The following ITGA9 variants were observed in gnomAD, a reference collection of about 807,000 sequenced individuals.
ITGA9 encodes the protein integrin alpha-9.
In ITGA9, 56 loss-of-function variants were observed where a neutral mutation model predicts 127.8. The observed-to-expected ratio is 0.44, with a 90% confidence interval of 0.35 to 0.55. ITGA9 has a LOEUF of 0.55. Ranked by LOEUF, ITGA9 falls within the 20% of genes least tolerant of loss-of-function variation. The pLI, the probability that ITGA9 is intolerant of heterozygous loss-of-function variation, is 0.00. For synonymous variants in ITGA9, 508 were observed against 514.5 expected (o/e 0.99, Z 0.17); for missense variants, 1,196 against 1,347.1 (o/e 0.89, Z 1.76).
intron 23 of ITGA9, among the ~76,000 whole-genome samples, chr3:37,759,389 T>G (rs917282706): frequency 1.3e-5 from 2 of 152,112 alleles, no homozygotes; most frequent in African/African-American, 4.8e-5. Context: ...TAATAAAAAC[T>G]GAGGAACCCA....
intron 17 of ITGA9, among the ~76,000 whole-genome samples, chr3:37,655,414 T>C (rs954051429): frequency 6.6e-6 from 1 of 152,216 alleles, no homozygotes; most frequent in Non-Finnish European, 1.5e-5. Flanking sequence ...GGTATCTCAT[T>C]GTGGTTTTGA....
chr3:37,539,824 G>A (rs1345069937), intron 14 of ITGA9, among the ~76,000 whole-genome samples: 1 of 152,202 alleles, frequency 6.6e-6, no homozygotes, highest in Non-Finnish European at 1.5e-5. Context: ...CTGGAGCTCA[G>A]TCCTGCTGGG....
intron 26 of ITGA9, among the ~76,000 whole-genome samples, chr3:37,793,866 G>A (rs1011527463): frequency 6.6e-6 from 1 of 152,150 alleles, no homozygotes; most frequent in Admixed American, 6.5e-5. Context: ...TCCAGAGGTA[G>A]TAACCCCAAG....
intron 15 of ITGA9, among the ~76,000 whole-genome samples, chr3:37,577,879 G>A (rs989978103): frequency 1.3e-5 from 2 of 152,184 alleles, no homozygotes; most frequent in Admixed American, 6.5e-5. Flanking sequence ...TATGATTCGT[G>A]TGCTGGTCTT....
At position 37,777,459 on chromosome 3, in the gene ITGA9, A is replaced by T; in HGVS notation, c.2609A>T (p.Gln870Leu). The change falls in exon 24 of 28, where the codon CAA becomes CTA. Residue 870 changes from glutamine (Q) to leucine (L), a missense_variant. By Grantham distance (113) the Gln-to-Leu change is moderately radical. Transcript: ENST00000264741. Reference protein sequence around the residue: ...NPTPCIIPQEQENIFHTIFAF... With the variant: ...NPTPCIIPQELENIFHTIFAF... The stretch of plus-strand genomic sequence containing the variant: ...ACTCCCTGCATCATCCCTCAAGAAC[A>T]AGAAAATATCTTCCACACAATATTT... 6.2e-7 allele frequency: 1 copy of T among 1,614,160 alleles called. No homozygotes were observed. Among genetic ancestry groups the T allele is most frequent in the South Asian group, 1.1e-5 (1 of 91,086 alleles).
intron 16 of ITGA9, among the ~76,000 whole-genome samples, chr3:37,639,954 G>A (rs1021515190): frequency 6.6e-6 from 1 of 152,114 alleles, no homozygotes; most frequent in African/African-American, 2.4e-5. Flanking sequence ...CATACCAATG[G>A]TGATGACAGA....
chr3:37,607,789 A>G (rs1699981845), intron 15 of ITGA9, among the ~76,000 whole-genome samples: 1 of 152,226 alleles, frequency 6.6e-6, no homozygotes, highest in Non-Finnish European at 1.5e-5. Flanking sequence ...TTGTAGAAAC[A>G]ACATCGTGCC....
chr3:37,727,599 C>G (rs1696228707), intron 18 of ITGA9, among the ~76,000 whole-genome samples: 1 of 152,142 alleles, frequency 6.6e-6, no homozygotes, highest in Non-Finnish European at 1.5e-5. Context: ...TTATTAGAGT[C>G]TTTAAAATAA....
At chr3:37,584,319 A>G (rs1699735709) in intron 15 of ITGA9, among the ~76,000 whole-genome samples, 2 of 152,196 alleles carry the variant, frequency 1.3e-5, no homozygotes, top group Admixed American at 6.5e-5. Flanking sequence ...AACTGGCACT[A>G]TCACTTCTGC....
chr3:37,664,413 G>A (rs971173969), intron 17 of ITGA9, among the ~76,000 whole-genome samples: 6 of 144,550 alleles, frequency 4.2e-5, no homozygotes, highest in African/African-American at 1.3e-4. Flanking sequence ...CATTGAGTCA[G>A]CACATTCTTT....
intron 17 of ITGA9, among the ~76,000 whole-genome samples, chr3:37,673,465 T>C (rs4678989): frequency 0.33 from 50,000 of 151,978 alleles, 8,616 homozygotes; most frequent in African/African-American, 0.4. Flanking sequence ...TGTTTCTCCT[T>C]AACTCCACTC....
chr3:37,638,236 G>T (rs567339230), intron 16 of ITGA9, among the ~76,000 whole-genome samples: 58 of 152,290 alleles, frequency 3.8e-4, no homozygotes, highest in African/African-American at 1.3e-3. Context: ...ATAAACGGAC[G>T]TGGGTAATAA....
At chr3:37,489,825 G>A (rs1698649800) in intron 4 of ITGA9, among the ~76,000 whole-genome samples, 1 of 151,908 alleles carries the variant, frequency 6.6e-6, no homozygotes, top group African/African-American at 2.4e-5. Flanking sequence ...CAATGAAATA[G>A]CACTTGAACA....
At chr3:37,539,458 G>A (rs2125589695) in intron 14 of ITGA9, among the ~76,000 whole-genome samples, 1 of 152,294 alleles carries the variant, frequency 6.6e-6, no homozygotes, top group East Asian at 1.9e-4. Flanking sequence ...ATGAGGTCTG[G>A]GAAGTCTGAA....
At chr3:37,476,164 C>T (rs1698492196) in intron 3 of ITGA9, among the ~76,000 whole-genome samples, 1 of 152,200 alleles carries the variant, frequency 6.6e-6, no homozygotes, top group Non-Finnish European at 1.5e-5. Flanking sequence ...GTACCAATAT[C>T]TCTTTGAGAT....
At position 37,806,621 on chromosome 3, in the gene ITGA9, C is replaced by T. The variant is rs557706420; in HGVS notation, c.3009+2679C>T. On this transcript the variant is annotated intron_variant, in intron 27 of 27. Coordinates refer to ENST00000264741, the MANE Select transcript of ITGA9 (RefSeq NM_002207.3). This position sits in a 1 kb window ranked among gnomAD's most constrained non-coding sequence, Gnocchi z 4.3. ...GATGCTGTCATGGGTGGGGAGAACC[C>T]TGAGGTCACCCAGCTGTGTGGGATC... 10 of 152,334 alleles carry T rather than the reference C, an allele frequency of 6.6e-5. No individual in the cohort carries two copies. Among genetic ancestry groups the T allele is most frequent in the African/African-American group, 2.4e-4 (10 of 41,528 alleles). 9.4% of individuals were successfully genotyped at this position (152,334 alleles called of 1,614,324 possible). A position where few individuals can be genotyped will look rare whatever the true frequency, so the allele number is the denominator to read the frequency against.
intron 26 of ITGA9, among the ~76,000 whole-genome samples, chr3:37,793,136 C>A (rs561583436): frequency 2.6e-5 from 4 of 151,972 alleles, no homozygotes; most frequent in South Asian, 2.1e-4. Context: ...TATTTTTAGG[C>A]AACAGAACCC....
chr3:37,811,509 C>G (rs1314877529), intron 27 of ITGA9, among the ~76,000 whole-genome samples: 1 of 152,074 alleles, frequency 6.6e-6, no homozygotes, highest in African/African-American at 2.4e-5. Context: ...AAAGACACCC[C>G]CCTTCCCTTA....
chr3:37,663,416 A>G (rs901078880), intron 17 of ITGA9, among the ~76,000 whole-genome samples: 2 of 152,342 alleles, frequency 1.3e-5, no homozygotes, highest in African/African-American at 2.4e-5. Context: ...CTGTAAAGCC[A>G]GAATCATCTG....
Sources: allele counts gnomAD v4.1 joint callset (sites outside exome capture counted in the v4.1 genomes callset), GRCh38; gene constraint gnomAD v4.1.1; non-coding constraint Gnocchi (gnomAD v3.1); transcripts MANE v1.5; gene names NCBI Gene and HGNC (gene_info 2026-07-23, HGNC 2026-07-21).